Variants in NELFCD observed in about 807,000 individuals in gnomAD.
NELFCD encodes negative elongation factor complex member C/D, also known as negative elongation factor C/D.
NELFCD carries 48 observed loss-of-function variants against 72.9 expected under a neutral mutation model. That is an observed-to-expected ratio of 0.66 (90% confidence interval 0.52 to 0.84). The LOEUF (loss-of-function observed/expected upper bound fraction) is 0.84, where lower values mean the gene tolerates loss of function less well. Ranked by LOEUF, NELFCD falls within the 40% of genes least tolerant of loss-of-function variation. NELFCD has a pLI of 0.00. For missense variants in NELFCD, 538 were observed against 723.8 expected, an observed-to-expected ratio of 0.74 and a Z score of 2.94; for synonymous variants, 297 against 280.6, an observed-to-expected ratio of 1.06 and a Z score of -0.59.
At chr20:58,983,309 G>A (rs1569055873) in intron 1 of NELFCD, among the ~76,000 whole-genome samples, 1 of 151,580 alleles carries the variant, frequency 6.6e-6, no homozygotes, top group Admixed American at 6.6e-5. Flanking sequence ...GCTAATTTTT[G>A]TATTTTAGTA....
chr20:58,991,597 A>G (rs191525537), intron 9 of NELFCD, 151 bp downstream of exon 9: 3 of 885,064 alleles, frequency 3.4e-6, no homozygotes, highest in East Asian at 5.3e-5. Context: ...AGAAAGCACT[A>G]AACGTCTCCA....
At chr20:58,983,351 G>A (rs1317004407) in intron 1 of NELFCD, among the ~76,000 whole-genome samples, 2 of 151,572 alleles carry the variant, frequency 1.3e-5, no homozygotes, top group African/African-American at 2.4e-5. Context: ...GGCCAGGCTA[G>A]TCTTGAACTC....
intron 1 of NELFCD, among the ~76,000 whole-genome samples, chr20:58,983,210 C>T (rs576685220): frequency 6.6e-6 from 1 of 150,456 alleles, no homozygotes; most frequent in Non-Finnish European, 1.5e-5. Flanking sequence ...GATCTCAGCT[C>T]GCTGCAACTG....
chr20:58,993,475 C>G lies in NELFCD; in HGVS notation c.1371C>G (p.His457Gln), dbSNP rs139324271. ...DEISTCHQLL[H>Q]PQVLQLLVKL... The stretch of plus-strand genomic sequence containing the variant: ...TCAGCACCTGCCACCAGCTCCTGCA[C>G]CCCCAGGTCCTGCAGCTGCTTGTTA... The change falls in exon 12 of 15, where the codon CAC becomes CAG. Residue 457 changes from histidine to glutamine, a missense_variant. By Grantham distance (24) the His-to-Gln change is conservative. This residue lies in a region of NELFCD where 136 missense variants were observed against 154.0 expected (regional missense o/e 0.88). Coordinates refer to ENST00000652272, the MANE Select transcript of NELFCD (RefSeq NM_198976.4). The surrounding 1 kb of genome is among the most constrained non-coding windows in gnomAD (Gnocchi z 5.0). The G allele has an allele frequency of 2.5e-6, 4 of 1,613,930 alleles. No individual in the cohort carries two copies. The highest frequency in any genetic ancestry group is 3.4e-6 in the Non-Finnish European group (4 of 1,180,048).
intron 10 of NELFCD, among the ~76,000 whole-genome samples, 194 bp downstream of exon 10, chr20:58,992,214 A>T (rs1298656532): frequency 6.6e-6 from 1 of 152,246 alleles, no homozygotes; most frequent in African/African-American, 2.4e-5. Context: ...TTTATTTGCC[A>T]GAAGTCTGTT....
chr20:58,981,326 A>G lies in NELFCD; in HGVS notation c.17A>G (p.Tyr6Cys), dbSNP rs771027544. 5.5e-6 allele frequency: 6 copies of G among 1,099,802 alleles called. No individual in the cohort carries two copies. In the South Asian group the frequency reaches 1.1e-4, roughly 21 times the overall value. 68.1% of individuals were successfully genotyped at this position (1,099,802 alleles called of 1,614,324 possible). ...GGCGCCATCATGGACGAGGACTACT[A>G]CGGGAGCGCGGCCGAGTGGGGCGAC... Reference protein sequence around the residue: MDEDYYGSAAEWGDEA... With the variant: MDEDYCGSAAEWGDEA... The change falls in exon 1 of 15, where the codon TAC becomes TGC. Residue 6 changes from tyrosine to cysteine, a missense_variant. Transcript: ENST00000652272.
chr20:58,981,928 C>T lies in NELFCD; in HGVS notation c.60+559C>T, dbSNP rs116466291. Among the ~76,000 whole-genome samples, 618 of 152,012 alleles carry T rather than the reference C, an allele frequency of 4.1e-3. 5 individuals carry two copies. Among genetic ancestry groups the T allele is most frequent in the African/African-American group, 0.014 (576 of 41,396 alleles). On this transcript the variant is annotated intron_variant, in intron 1 of 14. Coordinates refer to ENST00000652272, the MANE Select transcript of NELFCD (RefSeq NM_198976.4). ...ATGGAAAGGATTTTCGGGCCTTGACCTTCCAGGGTTTGGGGTGGAAGCCCA... is the reference window on the plus strand; with the variant it reads ...ATGGAAAGGATTTTCGGGCCTTGACTTTCCAGGGTTTGGGGTGGAAGCCCA...
intron 9 of NELFCD, 117 bp from the exon 10 acceptor site, chr20:58,991,764 C>T: frequency 8.2e-7 from 1 of 1,226,026 alleles, no homozygotes; most frequent in Non-Finnish European, 1.1e-6. Context: ...GCTGAATTGA[C>T]TCCCAACTTA....
chr20:58,984,960 G>A (rs1484399189), intron 1 of NELFCD, among the ~76,000 whole-genome samples: 2 of 152,340 alleles, frequency 1.3e-5, no homozygotes, highest in Admixed American at 6.5e-5. Context: ...AGACTCCACA[G>A]CTTTTACTGG....
Position 58,994,199 on chromosome 20 carries a change from CAA to C in NELFCD, c.1674_1675del (p.Lys558AsnfsTer6). The C allele has an allele frequency of 6.2e-7, 1 of 1,614,176 alleles. No individual in the cohort carries two copies. The highest frequency in any genetic ancestry group is 1.1e-5 in the South Asian group (1 of 91,080). On this transcript the variant is annotated frameshift_variant, in exon 14 of 15. Coordinates refer to ENST00000652272, the MANE Select transcript of NELFCD (RefSeq NM_198976.4). LOFTEE classifies it high-confidence loss of function. ...LENDSIAGTI[K>X]TEGEHDPVTE... ...AGAATGACAGCATCGCAGGTACCAT[CAA>C]AACGGAAGGCGAGCATGACCCTGTG...
At chr20:58,994,333 G>A in intron 14 of NELFCD, 94 bp downstream of exon 14, 1 of 1,360,218 alleles carries the variant, frequency 7.4e-7, no homozygotes, top group Non-Finnish European at 1.0e-6. Flanking sequence ...GGAGGCCAAG[G>A]TGGGTGGATC....
intron 3 of NELFCD, chr20:58,987,331 C>T: frequency 3.7e-6 from 1 of 267,854 alleles, no homozygotes; most frequent in Non-Finnish European, 7.0e-6. Flanking sequence ...CTTGTGGACA[C>T]ACTGCTGTCC....
Position 58,993,989 on chromosome 20 carries a change from G to T in NELFCD, c.1582-121G>T. The stretch of plus-strand genomic sequence containing the variant: ...GGCATCTGAATGTTGGAGATGGGTG[G>T]TGTCACCGGCCGGTGGGGGTGGGGA... On this transcript the variant is annotated intron_variant, in intron 13 of 14. Transcript: ENST00000652272. The surrounding 1 kb of genome is among the most constrained non-coding windows in gnomAD (Gnocchi z 5.0). The T allele has an allele frequency of 1.6e-6, 2 of 1,239,386 alleles. No homozygotes were observed. The highest frequency in any genetic ancestry group is 2.3e-5 in the East Asian group (1 of 42,868). The allele number at this position is 1,239,386 out of a possible 1,614,324, so 76.8% of individuals were successfully genotyped here. A position where few individuals can be genotyped will look rare whatever the true frequency, so the allele number is the denominator to read the frequency against.
chr20:58,991,488 A>G (rs772929681), intron 9 of NELFCD, 42 bp downstream of exon 9: 5 of 1,611,610 alleles, frequency 3.1e-6, no homozygotes, highest in Non-Finnish European at 4.2e-6. Flanking sequence ...TTAGGAGACA[A>G]ATATCCTCCT....
Position 58,993,010 on chromosome 20 carries a change from A to C in NELFCD, c.1242A>C (p.Val414=). 1.2e-6 allele frequency: 2 copies of C among 1,613,716 alleles called. No individual in the cohort carries two copies. Among genetic ancestry groups the C allele is most frequent in the Non-Finnish European group, 1.7e-6 (2 of 1,179,604 alleles). The change falls in exon 11 of 15, where the codon GTA becomes GTC. Residue 414 remains valine, a synonymous_variant. Coordinates refer to ENST00000652272, the MANE Select transcript of NELFCD (RefSeq NM_198976.4). The surrounding 1 kb of genome is among the most constrained non-coding windows in gnomAD (Gnocchi z 5.0). ...GCCTTAACTGTAGGTTTCCAGTGGT[A>C]GCAATGGGTGTGCTGAAGTGGGTGG... ...TLYQCIRFPV[V]AMGVLKWVDW...
In NELFCD at chr20:58,989,947, G is replaced by T; in HGVS notation, c.747G>T (p.Val249=). Residue 249 remains valine, a synonymous_variant, in exon 7 of 15, where the codon GTG becomes GTT. Coordinates refer to ENST00000652272, the MANE Select transcript of NELFCD (RefSeq NM_198976.4). The stretch of plus-strand genomic sequence containing the variant: ...AGGAGGAGCAGGGGGGCTCCGCTGT[G>T]CGCAGGATCGCCCAGGAAGTGCAGC... ...LAQEEQGGSA[V]RRIAQEVQRF... is the part of the protein sequence containing the mutation. 1 of 1,613,938 alleles carries T rather than the reference G, an allele frequency of 6.2e-7. No individual in the cohort carries two copies. The highest frequency in any genetic ancestry group is 8.5e-7 in the Non-Finnish European group (1 of 1,180,044).
At position 58,994,099 on chromosome 20, in the gene NELFCD, C is replaced by T. The variant is rs759317688; in HGVS notation, c.1582-11C>T. 43 of 1,613,592 alleles carry T rather than the reference C, an allele frequency of 2.7e-5. No individual in the cohort carries two copies. The Middle Eastern group carries it at 2.0e-3, about 74-fold the overall frequency. On this transcript the variant is annotated splice_polypyrimidine_tract_variant and intron_variant, in intron 13 of 14. Coordinates refer to ENST00000652272, the MANE Select transcript of NELFCD (RefSeq NM_198976.4). ...TGTGCGGAAGAAGTCACCCTGTGCT[C>T]CCCCACGCAGGTGCTGGACGTCATT...
At chr20:58,992,969 T>A (rs1212746200) in intron 10 of NELFCD, 29 bp from the exon 11 acceptor site, 2 of 1,525,844 alleles carry the variant, frequency 1.3e-6, no homozygotes, top group Admixed American at 3.4e-5. Context: ...AAATTGTTTT[T>A]TAAAGGAAGC....
At chr20:58,983,435 CTTTT>C (rs1280267450) in intron 1 of NELFCD, among the ~76,000 whole-genome samples, 3 of 128,936 alleles carry the variant, frequency 2.3e-5, no homozygotes, top group Admixed American at 8.2e-5. Context: ...CGCACCCGGC[CTTTT>C]TTTTTTTTTT....
Sources: allele counts gnomAD v4.1 joint callset (sites outside exome capture counted in the v4.1 genomes callset), GRCh38; gene constraint gnomAD v4.1.1; regional missense constraint gnomAD v4.1.1; non-coding constraint Gnocchi (gnomAD v3.1); transcripts MANE v1.5; gene names NCBI Gene and HGNC (gene_info 2026-07-23, HGNC 2026-07-21).